Variants in PCDH15 observed in about 807,000 individuals in gnomAD.
The protein encoded by PCDH15 is protocadherin related 15.
PCDH15 carries 129 observed loss-of-function variants against 178.5 expected under a neutral mutation model. The ratio of observed to expected loss-of-function variants is 0.72; its 90% CI spans 0.63 to 0.84. PCDH15 has a LOEUF of 0.84. PCDH15 is among the 40% of genes least tolerant of loss of function. The pLI is 0.00. For synonymous variants in PCDH15, 800 were observed against 732.0 expected (o/e 1.09, Z -1.50); for missense variants, 2,230 against 2,099.9 (o/e 1.06, Z -1.21).
rs1840971735 is a variant in PCDH15, at chr10:53,803,168, T to C, written c.*3411A>G. Reference sequence around the variant, plus strand: ...AGTCCTCAACATTATTTTGAACCTATCCTTCAGCCTTATCGCTGTGTAATT... The same window carrying C: ...AGTCCTCAACATTATTTTGAACCTACCCTTCAGCCTTATCGCTGTGTAATT... On this transcript the variant is annotated 3_prime_UTR_variant, in exon 38 of 38. Transcript: ENST00000644397. The C allele has an allele frequency of 6.6e-6, 1 of 151,922 alleles. No individual in the cohort carries two copies. Among genetic ancestry groups the C allele is most frequent in the Admixed American group, 6.6e-5 (1 of 15,228 alleles). 9.4% of individuals were successfully genotyped at this position (151,922 alleles called of 1,614,324 possible).
chr10:54,027,734 C>A (rs868673290), intron 18 of PCDH15, among the ~76,000 whole-genome samples: 21 of 146,824 alleles, frequency 1.4e-4, no homozygotes, highest in Admixed American at 6.8e-5. Context: ...AACTGGCTAG[C>A]CATATGGAGA....
At chr10:54,423,938 C>T (rs1438788866) in intron 3 of PCDH15, among the ~76,000 whole-genome samples, 5 of 151,856 alleles carry the variant, frequency 3.3e-5, no homozygotes, top group African/African-American at 1.2e-4. Context: ...CAATACCATT[C>T]AGGACATAGG....
intron 2 of PCDH15, among the ~76,000 whole-genome samples, chr10:55,140,266 A>G (rs1424739235): frequency 6.6e-6 from 1 of 151,938 alleles, no homozygotes; most frequent in Non-Finnish European, 1.5e-5. Context: ...ACTATGTTGC[A>G]TGAAAGTATT....
At chr10:54,956,478 C>A (rs1411965900) in intron 2 of PCDH15, among the ~76,000 whole-genome samples, 1 of 151,316 alleles carries the variant, frequency 6.6e-6, no homozygotes, top group African/African-American at 2.4e-5. Flanking sequence ...ATAAAATATT[C>A]TTTAAATAAC....
rs188020266 is a variant in PCDH15 at position 54,445,067 on chromosome 10, C to T, written c.158-66125G>A. Among the ~76,000 whole-genome samples, 928 of 151,220 alleles carry T rather than the reference C, an allele frequency of 6.1e-3. 9 individuals are homozygous for T. The highest frequency in any genetic ancestry group is 0.022 in the African/African-American group (898 of 41,354). ...TTTCTCAATTGCCAATTGTCTACTG[C>T]TTGTCCTGGGTTCCATCTTTTCATA... On this transcript the variant is annotated intron_variant, in intron 3 of 37. Transcript: ENST00000644397.
intron 1 of PCDH15, among the ~76,000 whole-genome samples, chr10:55,300,364 A>T (rs1285335758): frequency 6.6e-6 from 1 of 152,164 alleles, no homozygotes; most frequent in African/African-American, 2.4e-5. Flanking sequence ...CCACACGAAG[A>T]CACGTTATGC....
intron 2 of PCDH15, among the ~76,000 whole-genome samples, chr10:54,914,869 T>C (rs1171374085): frequency 1.3e-5 from 2 of 152,174 alleles, no homozygotes; most frequent in Non-Finnish European, 2.9e-5. Context: ...GTAAGTGTCG[T>C]CCTCACTCAA....
chr10:54,391,324 G>C (rs1234862293), intron 3 of PCDH15, among the ~76,000 whole-genome samples: 1 of 152,044 alleles, frequency 6.6e-6, no homozygotes, highest in East Asian at 1.9e-4. Context: ...TCCACGAAAG[G>C]AGTTTATGCA....
At chr10:54,549,129 T>C (rs2086231295) in intron 2 of PCDH15, among the ~76,000 whole-genome samples, 1 of 151,920 alleles carries the variant, frequency 6.6e-6, no homozygotes, top group Non-Finnish European at 1.5e-5. Flanking sequence ...ATAAATTAAA[T>C]AATCCTTGGC....
At chr10:54,474,102 A>G (rs758587549) in intron 3 of PCDH15, among the ~76,000 whole-genome samples, 1 of 151,906 alleles carries the variant, frequency 6.6e-6, no homozygotes, top group Non-Finnish European at 1.5e-5. Context: ...CTATATTCGA[A>G]TTGCAAAAAA....
intron 2 of PCDH15, among the ~76,000 whole-genome samples, chr10:54,531,669 T>A (rs1307235126): frequency 6.6e-6 from 1 of 152,164 alleles, no homozygotes; most frequent in Non-Finnish European, 1.5e-5. Context: ...GTGTTTTCAA[T>A]AAGACTTCAA....
intron 15 of PCDH15, 93 bp downstream of exon 15, chr10:54,132,782 C>A: frequency 6.5e-7 from 1 of 1,533,218 alleles, no homozygotes; most frequent in Non-Finnish European, 8.8e-7. Flanking sequence ...TGTGAGGTTT[C>A]TCCCTCCATA....
At position 55,241,488 on chromosome 10, in the gene PCDH15, C is replaced by G. The variant is rs148194579; in HGVS notation, c.-155-74837G>C. ...ATGCTGGAGTGCAGTGGTGTAAATG[C>G]AGCTCACTGCAGCCTCAACCTCCCG... On this transcript the variant is annotated intron_variant, in intron 1 of 5. Transcript: ENST00000458638. 2.0e-5 allele frequency among the ~76,000 whole-genome samples: 3 copies of G among 152,114 alleles called. No homozygotes were observed. The East Asian group carries it at 5.8e-4, about 29-fold the overall frequency.
chr10:54,534,418 A>T (rs564619793), intron 2 of PCDH15, among the ~76,000 whole-genome samples: 815 of 152,258 alleles, frequency 5.4e-3, no homozygotes, highest in Non-Finnish European at 8.1e-3. Context: ...TTACTAGGGA[A>T]AAATAGACTC....
intron 2 of PCDH15, among the ~76,000 whole-genome samples, chr10:54,563,744 T>C (rs988535999): frequency 6.6e-6 from 1 of 152,124 alleles, no homozygotes; most frequent in Non-Finnish European, 1.5e-5. Flanking sequence ...GTGGCAGCTA[T>C]AGGATCCATT....
intron 21 of PCDH15, chr10:53,994,857 T>C (rs2091748130): frequency 6.6e-6 from 1 of 152,122 alleles, no homozygotes; most frequent in Admixed American, 6.6e-5. Context: ...ACTATTTATA[T>C]TAGCAATAGA....
At chr10:55,271,998 T>C (rs1349970544) in intron 1 of PCDH15, among the ~76,000 whole-genome samples, 13 of 152,032 alleles carry the variant, frequency 8.6e-5, no homozygotes, top group Non-Finnish European at 1.2e-4. Flanking sequence ...TCTAGACTTA[T>C]TATGCAGTAA....
chr10:55,083,193 G>T lies in PCDH15; in HGVS notation c.-80+83383C>A, dbSNP rs55729441. On this transcript the variant is annotated intron_variant, in intron 2 of 5. Transcript: ENST00000458638. The stretch of plus-strand genomic sequence containing the variant: ...ACAAAATTCTACAACACATTAAAAA[G>T]ATAATTTATCATGACCAAGTGGAAT... Among the ~76,000 whole-genome samples the T allele has an allele frequency of 5.1e-3, 766 of 151,554 alleles. 11 individuals carry two copies. Among genetic ancestry groups the T allele is most frequent in the African/African-American group, 0.018 (739 of 41,372 alleles).
At chr10:54,600,408 G>C in intron 2 of PCDH15, 1 of 569,532 alleles carries the variant, frequency 1.8e-6, no homozygotes, top group Non-Finnish European at 3.5e-6. Flanking sequence ...GGAGGGAAGA[G>C]GAGTAAGACA....
Sources: gnomAD v4.1 joint callset for allele counts (sites outside exome capture counted in the v4.1 genomes callset) on GRCh38, gnomAD v4.1.1 for gene constraint, MANE v1.5 for transcripts, NCBI Gene and HGNC (gene_info 2026-07-23, HGNC 2026-07-21) for gene names.